The following LRP5 variants were observed in gnomAD, a reference collection of about 807,000 sequenced individuals.
The protein encoded by LRP5 is LDL receptor related protein 5.
A neutral mutation model predicts 154.1 loss-of-function variants in LRP5; 62 were observed. The observed-to-expected ratio is 0.40, with a 90% confidence interval of 0.33 to 0.50. The LOEUF (loss-of-function observed/expected upper bound fraction) is 0.50, where lower values mean the gene tolerates loss of function less well. Among genes scored for constraint, LRP5 ranks in the 20% least tolerant of loss-of-function variants. LRP5 has a pLI of 0.55. For missense variants in LRP5, 1,915 were observed against 2,336.7 expected (o/e 0.82, Z 3.72); for synonymous variants, 966 against 1,011.5 (o/e 0.96, Z 0.85).
intron 5 of LRP5, among the ~76,000 whole-genome samples, chr11:68,367,059 G>A (rs2098631508): frequency 6.6e-6 from 1 of 152,110 alleles, no homozygotes; most frequent in Non-Finnish European, 1.5e-5. Flanking sequence ...CATTAGAAAG[G>A]GTGAGTGTCT....
intron 6 of LRP5, among the ~76,000 whole-genome samples, chr11:68,389,256 A>T (rs941643798): frequency 1.1e-4 from 3 of 27,364 alleles, no homozygotes; most frequent in African/African-American, 3.5e-4. Flanking sequence ...ACCAACACCG[A>T]CATTTACCAA....
chr11:68,351,150 C>G (rs2098618170), intron 2 of LRP5, among the ~76,000 whole-genome samples: 1 of 152,118 alleles, frequency 6.6e-6, no homozygotes, highest in South Asian at 2.1e-4. Context: ...TATTTTGAGT[C>G]CCTGAGGTCA....
At chr11:68,384,206 C>T (rs1202585413) in intron 5 of LRP5, among the ~76,000 whole-genome samples, 3 of 152,184 alleles carry the variant, frequency 2.0e-5, no homozygotes, top group Admixed American at 6.5e-5. Flanking sequence ...CGTTGGATGC[C>T]GGGATCCTGG....
At chr11:68,393,465 C>T (rs1463968879) in intron 7 of LRP5, among the ~76,000 whole-genome samples, 2 of 152,242 alleles carry the variant, frequency 1.3e-5, no homozygotes, top group Non-Finnish European at 2.9e-5. Context: ...TTTACCTCCT[C>T]ACAAACGCTT....
At chr11:68,414,615 C>T (rs2098661473) in intron 12 of LRP5, among the ~76,000 whole-genome samples, 1 of 152,122 alleles carries the variant, frequency 6.6e-6, no homozygotes, top group East Asian at 1.9e-4. Flanking sequence ...CCTATGGCCC[C>T]TCTGGAGTAC....
intron 9 of LRP5, among the ~76,000 whole-genome samples, chr11:68,409,230 A>T (rs1295267824): frequency 7.2e-6 from 1 of 139,468 alleles, no homozygotes; most frequent in Admixed American, 7.6e-5. Context: ...ATATAATATA[A>T]AATATATATT....
chr11:68,315,283 G>A (rs745675582), intron 1 of LRP5, among the ~76,000 whole-genome samples: 32 of 152,208 alleles, frequency 2.1e-4, no homozygotes, highest in Non-Finnish European at 3.7e-4. Flanking sequence ...GTGTGTCAGC[G>A]TCCTCGATCT....
rs557435121 is a variant in LRP5, at chr11:68,384,657, A to G, written c.1016-1659A>G. ...TTCTGTAGGAAGCTCTGATAAATCC[A>G]AACTGGGGGTCCTAGGACACAGTCA... On this transcript the variant is annotated intron_variant, in intron 5 of 22. Coordinates refer to ENST00000294304, the MANE Select transcript of LRP5 (RefSeq NM_002335.4). Among the ~76,000 whole-genome samples the G allele has an allele frequency of 5.9e-5, 9 of 152,314 alleles. No homozygotes were observed. The South Asian group carries it at 1.7e-3, about 28-fold the overall frequency.
intron 4 of LRP5, among the ~76,000 whole-genome samples, chr11:68,364,309 T>G (rs1412621758): frequency 2.6e-5 from 4 of 151,644 alleles, no homozygotes; most frequent in Admixed American, 6.6e-5. Flanking sequence ...TATATACACA[T>G]ACACGTATGT....
intron 1 of LRP5, among the ~76,000 whole-genome samples, chr11:68,331,962 T>A (rs2098603077): frequency 6.6e-6 from 1 of 151,966 alleles, no homozygotes; most frequent in Non-Finnish European, 1.5e-5. Flanking sequence ...TCTGGGTGAC[T>A]GGGCTGGGAG....
intron 3 of LRP5, among the ~76,000 whole-genome samples, chr11:68,361,120 A>G (rs1372795505): frequency 6.7e-6 from 1 of 150,092 alleles, no homozygotes; most frequent in Non-Finnish European, 1.5e-5. Flanking sequence ...CCTGGCTAAC[A>G]CAGTGAAACC....
chr11:68,409,584 C>T lies in LRP5; in HGVS notation c.2092-330C>T, dbSNP rs367543585. The stretch of plus-strand genomic sequence containing the variant: ...GGTTCTGGCCTGGCGTGGTGGCTCA[C>T]GCCTGTAATCTCAGCACTTTGGGAG... On this transcript the variant is annotated intron_variant, in intron 9 of 22. Transcript: ENST00000294304. 1.8e-4 allele frequency among the ~76,000 whole-genome samples: 28 copies of T among 151,658 alleles called. No homozygotes were observed. In the East Asian group the frequency reaches 4.7e-3, roughly 25 times the overall value.
rs532313326 is a variant in LRP5 at position 68,431,614 on chromosome 11, G to A, written c.3763+1914G>A. On this transcript the variant is annotated intron_variant, in intron 17 of 22. Coordinates refer to ENST00000294304, the MANE Select transcript of LRP5 (RefSeq NM_002335.4). ...GCCCAGGAGCTCGGGGAGTAGGGCC[G>A]CGGGGTGCTGCCTCACACCTCGAGT... Among the ~76,000 whole-genome samples the A allele has an allele frequency of 1.2e-3, 187 of 152,268 alleles. 2 individuals carry two copies. Among genetic ancestry groups the A allele is most frequent in the Non-Finnish European group, 2.2e-3 (151 of 67,998 alleles).
chr11:68,413,864 G>C lies in LRP5; in HGVS notation c.2679G>C (p.Leu893=). The part of the protein sequence containing the change: ...QGHLDFVMDI[L]VFHSSRQDGL... ...ACCTGGACTTCGTGATGGACATCCT[G>C]GTGTTCCACTCCTCCCGCCAGGATG... Residue 893 remains leucine (L), a synonymous_variant, in exon 12 of 23, where the codon CTG becomes CTC. Transcript: ENST00000294304. This position sits in a 1 kb window ranked among gnomAD's most constrained non-coding sequence, Gnocchi z 5.1. The C allele has an allele frequency of 6.2e-7, 1 of 1,613,512 alleles. No homozygotes were observed. Among genetic ancestry groups the C allele is most frequent in the Non-Finnish European group, 8.5e-7 (1 of 1,180,028 alleles).
chr11:68,360,800 A>T (rs193063736), intron 3 of LRP5, among the ~76,000 whole-genome samples: 1 of 151,894 alleles, frequency 6.6e-6, no homozygotes, highest in Non-Finnish European at 1.5e-5. Context: ...GATCGAGACC[A>T]TCCTGGCTAA....
chr11:68,323,284 T>C (rs749164149), intron 1 of LRP5, among the ~76,000 whole-genome samples: 1 of 149,160 alleles, frequency 6.7e-6, no homozygotes, highest in Non-Finnish European at 1.5e-5. Flanking sequence ...AATTTTTGTA[T>C]TTTTAGTGGA....
intron 9 of LRP5, among the ~76,000 whole-genome samples, chr11:68,409,073 A>AATATATATATATATATATAT (rs1174773377): frequency 2.9e-4 from 13 of 44,156 alleles, no homozygotes; most frequent in African/African-American, 1.5e-3. Context: ...AAAAAAAAAA[A>AATATATATATATATATATAT]ATATATATAT....
At chr11:68,318,836 C>T (rs991026778) in intron 1 of LRP5, among the ~76,000 whole-genome samples, 9 of 152,216 alleles carry the variant, frequency 5.9e-5, no homozygotes, top group African/African-American at 2.2e-4. Flanking sequence ...GGCTCAGAGC[C>T]CTCTCCCTGC....
chr11:68,385,856 G>A lies in LRP5; in HGVS notation c.1016-460G>A, dbSNP rs370464241. Among the ~76,000 whole-genome samples the A allele has an allele frequency of 6.4e-4, 98 of 152,196 alleles. 3 individuals are homozygous for A. In the South Asian group the frequency reaches 0.017, roughly 26 times the overall value. ...AAGTGGCGTCGAGCTGGGCAGGAAG[G>A]GTGAGCCCCTGCAAGGTGGGCATGC... On this transcript the variant is annotated intron_variant, in intron 5 of 22. Coordinates refer to ENST00000294304, the MANE Select transcript of LRP5 (RefSeq NM_002335.4).
Sources: allele counts gnomAD v4.1 joint callset (sites outside exome capture counted in the v4.1 genomes callset), GRCh38; gene constraint gnomAD v4.1.1; non-coding constraint Gnocchi (gnomAD v3.1); transcripts MANE v1.5; gene names NCBI Gene and HGNC (gene_info 2026-07-23, HGNC 2026-07-21).